KCNIP1: variants seen among roughly 807,000 people sequenced by gnomAD.
The protein encoded by KCNIP1 is potassium voltage-gated channel interacting protein 1.
In KCNIP1, 18 loss-of-function variants were observed where a neutral mutation model predicts 33.0. The ratio of observed to expected loss-of-function variants is 0.55; its 90% confidence interval spans 0.38 to 0.81. KCNIP1 has a LOEUF of 0.81. Ranked by LOEUF, KCNIP1 falls within the 30% of genes least tolerant of loss-of-function variation. The probability of loss-of-function intolerance (pLI) is 0.00; values close to 1 mark genes in which losing one functional copy is unlikely to be tolerated. For missense variants in KCNIP1, 238 were observed against 271.6 expected (o/e 0.88, Z 0.87); for synonymous variants, 93 against 98.3 (o/e 0.95, Z 0.32).
chr5:170,709,966 C>T (rs1366626890), intron 1 of KCNIP1, among the ~76,000 whole-genome samples: 1 of 152,152 alleles, frequency 6.6e-6, no homozygotes, highest in Non-Finnish European at 1.5e-5. Flanking sequence ...CCCTTGGGCT[C>T]AAGTGATTCT....
At chr5:170,589,036 T>C (rs974507529) in intron 1 of KCNIP1, among the ~76,000 whole-genome samples, 23 of 149,018 alleles carry the variant, frequency 1.5e-4, no homozygotes, top group African/African-American at 5.7e-4. Context: ...TCTCGCTCTG[T>C]AGCCCAGGCT....
intron 1 of KCNIP1, among the ~76,000 whole-genome samples, chr5:170,713,992 C>G (rs1763551128): frequency 6.6e-6 from 1 of 151,710 alleles, no homozygotes; most frequent in South Asian, 2.1e-4. Flanking sequence ...CCATTGCACT[C>G]CAGCTTGGGC....
intron 1 of KCNIP1, among the ~76,000 whole-genome samples, chr5:170,366,408 G>C (rs968177988): frequency 6.6e-6 from 1 of 152,222 alleles, no homozygotes; most frequent in Non-Finnish European, 1.5e-5. Flanking sequence ...AAGCTGGCTG[G>C]AACCACAAAG....
intron 1 of KCNIP1, among the ~76,000 whole-genome samples, chr5:170,693,498 G>T (rs1762794212): frequency 6.6e-6 from 1 of 152,194 alleles, no homozygotes; most frequent in South Asian, 2.1e-4. Flanking sequence ...GAAGGCAGGT[G>T]AAGAACGTAC....
intron 1 of KCNIP1, among the ~76,000 whole-genome samples, chr5:170,368,823 T>C (rs754458272): frequency 1.3e-5 from 2 of 152,206 alleles, no homozygotes; most frequent in African/African-American, 4.8e-5. Flanking sequence ...TCCCTAGTCC[T>C]GTGTCCCCGT....
chr5:170,567,758 T>C (rs933845210), intron 1 of KCNIP1, among the ~76,000 whole-genome samples: 4 of 152,202 alleles, frequency 2.6e-5, no homozygotes, highest in Admixed American at 2.6e-4. Flanking sequence ...CTGCGTGCTT[T>C]ACTACCAGAG....
At chr5:170,394,228 T>A (rs565092744) in intron 1 of KCNIP1, among the ~76,000 whole-genome samples, 1 of 152,276 alleles carries the variant, frequency 6.6e-6, no homozygotes, top group East Asian at 1.9e-4. Context: ...TCTCCGCGCC[T>A]CCTGGGCCAG....
At chr5:170,453,619 A>C (rs1031438289) in intron 1 of KCNIP1, among the ~76,000 whole-genome samples, 1 of 152,210 alleles carries the variant, frequency 6.6e-6, no homozygotes, top group African/African-American at 2.4e-5. Context: ...GGTAGATGAG[A>C]TCTGTGACTT....
chr5:170,531,552 A>G (rs1755788854), intron 1 of KCNIP1, among the ~76,000 whole-genome samples: 1 of 152,202 alleles, frequency 6.6e-6, no homozygotes, highest in African/African-American at 2.4e-5. Context: ...CATCATTGGT[A>G]ACATCCTAAG....
chr5:170,387,069 T>C (rs1210399689), intron 1 of KCNIP1, among the ~76,000 whole-genome samples: 1 of 152,192 alleles, frequency 6.6e-6, no homozygotes, highest in Non-Finnish European at 1.5e-5. Flanking sequence ...CAAGCTGTCC[T>C]AGAGCCTCTG....
chr5:170,360,314 C>A (rs185628742), intron 1 of KCNIP1, among the ~76,000 whole-genome samples: 2 of 152,320 alleles, frequency 1.3e-5, no homozygotes, highest in East Asian at 3.9e-4. Context: ...AACTCTGGAC[C>A]CAGAGGGACC....
chr5:170,721,903 G>C lies in KCNIP1; in HGVS notation c.327G>C (p.Glu109Asp). ...DTTQTGSVKF[E>D]DFVTALSILL... ...CTCAGACAGGCTCCGTGAAGTTCGAGGTACGCTCATCTGGGGTCCACTCTA... is the reference window on the plus strand; with the variant it reads ...CTCAGACAGGCTCCGTGAAGTTCGACGTACGCTCATCTGGGGTCCACTCTA... Residue 109 changes from glutamate (E) to aspartate (D), a missense_variant and splice_region_variant, in exon 4 of 8, where the codon GAG becomes GAC. Coordinates refer to ENST00000328939, the MANE Select transcript of KCNIP1 (RefSeq NM_014592.4). 1 of 1,614,094 alleles carries C rather than the reference G, an allele frequency of 6.2e-7. No individual in the cohort carries two copies. Among genetic ancestry groups the C allele is most frequent in the East Asian group, 2.2e-5 (1 of 44,868 alleles).
chr5:170,589,763 G>C (rs377602916), intron 1 of KCNIP1, among the ~76,000 whole-genome samples: 3 of 127,384 alleles, frequency 2.4e-5, no homozygotes, highest in African/African-American at 9.3e-5. Flanking sequence ...GTGTGGTGTG[G>C]TGTGGTGTGG....
intron 1 of KCNIP1, among the ~76,000 whole-genome samples, chr5:170,561,398 G>C (rs571625288): frequency 6.6e-6 from 1 of 152,172 alleles, no homozygotes; most frequent in Non-Finnish European, 1.5e-5. Context: ...CACTCCGGAG[G>C]GGGAGGACTC....
intron 1 of KCNIP1, among the ~76,000 whole-genome samples, chr5:170,597,948 G>A (rs964886403): frequency 6.6e-6 from 1 of 151,962 alleles, no homozygotes; most frequent in African/African-American, 2.4e-5. Flanking sequence ...TGAAAACTCT[G>A]TCCGGAATTG....
intron 1 of KCNIP1, among the ~76,000 whole-genome samples, chr5:170,446,522 G>A (rs1256839346): frequency 2.6e-5 from 4 of 152,140 alleles, no homozygotes; most frequent in Admixed American, 6.5e-5. Context: ...AAGTACATTG[G>A]TGCAATCATA....
intron 1 of KCNIP1, among the ~76,000 whole-genome samples, chr5:170,712,253 T>G (rs1763475285): frequency 6.6e-6 from 1 of 152,228 alleles, no homozygotes; most frequent in South Asian, 2.1e-4. Context: ...CAACTACCCT[T>G]TTCTTTTTCT....
At chr5:170,546,806 T>A (rs1458264178) in intron 1 of KCNIP1, among the ~76,000 whole-genome samples, 2 of 152,330 alleles carry the variant, frequency 1.3e-5, no homozygotes, top group African/African-American at 4.8e-5. Context: ...ATTATTAATA[T>A]ATACAGCAAT....
At chr5:170,718,978 T>C (rs920138189) in intron 2 of KCNIP1, 96 bp downstream of exon 2, 4 of 1,487,554 alleles carry the variant, frequency 2.7e-6, no homozygotes, top group African/African-American at 1.5e-5. Context: ...GTTTCCCATA[T>C]GTGAGGCTGT....
Sources: allele counts gnomAD v4.1 joint callset (sites outside exome capture counted in the v4.1 genomes callset), GRCh38; gene constraint gnomAD v4.1.1; transcripts MANE v1.5; gene names NCBI Gene and HGNC (gene_info 2026-07-23, HGNC 2026-07-21).